Variants in NDST4 observed in about 807,000 individuals in gnomAD.
NDST4 encodes the protein N-heparan sulfate sulfotransferase 4.
In NDST4, 63 loss-of-function variants were observed where a neutral mutation model predicts 100.8. That is an observed-to-expected ratio of 0.62 (90% CI 0.51 to 0.77). The LOEUF (loss-of-function observed/expected upper bound fraction) is 0.77, where lower values mean the gene tolerates loss of function less well. NDST4 is among the 30% of genes least tolerant of loss of function. The pLI is 0.00. For missense variants in NDST4, 943 were observed against 1,018.4 expected (o/e 0.93, Z 1.01); for synonymous variants, 377 against 361.8 (o/e 1.04, Z -0.48).
chr4:114,988,672 T>TACA (rs1726969245), intron 2 of NDST4, among the ~76,000 whole-genome samples: 1 of 152,098 alleles, frequency 6.6e-6, no homozygotes, highest in African/African-American at 2.4e-5. Context: ...ACATACGTCT[T>TACA]TAAATGTGTA....
chr4:115,018,193 T>C (rs1186166646), intron 2 of NDST4, among the ~76,000 whole-genome samples: 1 of 151,868 alleles, frequency 6.6e-6, no homozygotes, highest in Admixed American at 6.6e-5. Context: ...AAAGTACAAA[T>C]GAAAGCCATT....
At chr4:114,943,246 A>G (rs1345304379) in intron 4 of NDST4, among the ~76,000 whole-genome samples, 1 of 151,792 alleles carries the variant, frequency 6.6e-6, no homozygotes, top group East Asian at 1.9e-4. Context: ...ATATACCTAA[A>G]TATACATTGA....
chr4:114,901,965 A>G (rs980391397), intron 6 of NDST4, among the ~76,000 whole-genome samples: 1 of 151,802 alleles, frequency 6.6e-6, no homozygotes, highest in East Asian at 1.9e-4. Context: ...AGAAATCCTA[A>G]TTTCTCCTTC....
chr4:114,936,053 A>C (rs915719964), intron 5 of NDST4, among the ~76,000 whole-genome samples: 1 of 152,138 alleles, frequency 6.6e-6, no homozygotes, highest in Non-Finnish European at 1.5e-5. Flanking sequence ...AAGGTAAATA[A>C]ATGAATATAA....
intron 2 of NDST4, among the ~76,000 whole-genome samples, chr4:115,057,901 A>C (rs1418490591): frequency 2.0e-5 from 3 of 152,160 alleles, no homozygotes; most frequent in African/African-American, 7.2e-5. Context: ...TCACTGTTGC[A>C]AGGCTCATAA....
intron 5 of NDST4, 113 bp downstream of exon 5, chr4:114,937,205 T>G: frequency 9.4e-7 from 1 of 1,065,048 alleles, no homozygotes; most frequent in Non-Finnish European, 1.4e-6. Context: ...TAGGTATTTC[T>G]GATAATCATG....
chr4:115,093,204 G>T (rs941784466), intron 1 of NDST4, among the ~76,000 whole-genome samples: 11 of 152,106 alleles, frequency 7.2e-5, no homozygotes, highest in Non-Finnish European at 1.5e-5. Flanking sequence ...ACATTAGAGC[G>T]GTGGCTCATG....
Position 114,848,268 on chromosome 4 carries a change from T to C in NDST4, c.1887A>G (p.Thr629=), listed in dbSNP as rs1723597211. Residue 629 remains threonine (T), a synonymous_variant, in exon 9 of 14, where the codon ACA becomes ACG. Transcript: ENST00000264363. The part of the protein sequence containing the change: ...SIISNLPSPK[T]FEEVQFFNGN... ...CATTAAAGAACTGAACTTCCTCAAA[T>C]GTCTTTGGACTAGGGAGATTGCTGA... 1 of 1,611,274 alleles carries C rather than the reference T, an allele frequency of 6.2e-7. No homozygotes were observed. The highest frequency in any genetic ancestry group is 8.5e-7 in the Non-Finnish European group (1 of 1,178,598).
At chr4:115,026,182 T>G (rs1727980367) in intron 2 of NDST4, among the ~76,000 whole-genome samples, 1 of 152,094 alleles carries the variant, frequency 6.6e-6, no homozygotes, top group Non-Finnish European at 1.5e-5. Context: ...ATAAGAAACA[T>G]GTTGTATAAT....
At chr4:114,893,653 T>C (rs1481365401) in intron 6 of NDST4, among the ~76,000 whole-genome samples, 1 of 152,148 alleles carries the variant, frequency 6.6e-6, no homozygotes, top group African/African-American at 2.4e-5. Flanking sequence ...CTCTGTCATA[T>C]GGGTAGATTG....
intron 2 of NDST4, among the ~76,000 whole-genome samples, chr4:115,026,512 T>C (rs1026627641): frequency 6.6e-6 from 1 of 152,078 alleles, no homozygotes; most frequent in Non-Finnish European, 1.5e-5. Context: ...TATTTATGTA[T>C]GTGTATAATT....
intron 4 of NDST4, among the ~76,000 whole-genome samples, chr4:114,943,225 G>T (rs1482286005): frequency 2.6e-5 from 4 of 151,028 alleles, no homozygotes; most frequent in African/African-American, 7.3e-5. Flanking sequence ...AGGACAAATA[G>T]GTATTCATTC....
At chr4:115,029,405 A>G in intron 2 of NDST4, among the ~76,000 whole-genome samples, 1 of 152,082 alleles carries the variant, frequency 6.6e-6, no homozygotes, top group African/African-American at 2.4e-5. Flanking sequence ...TTCCTCTCTC[A>G]TTTTAGGGAA....
chr4:115,102,467 AT>A (rs752518073), intron 1 of NDST4, among the ~76,000 whole-genome samples: 90 of 152,212 alleles, frequency 5.9e-4, no homozygotes, highest in South Asian at 2.7e-3. Context: ...ATTTTCCATT[AT>A]TTTTTAATGT....
At chr4:114,881,899 C>T (rs951283610) in intron 6 of NDST4, among the ~76,000 whole-genome samples, 4 of 151,942 alleles carry the variant, frequency 2.6e-5, no homozygotes, top group African/African-American at 9.7e-5. Flanking sequence ...TTGAAGTGTA[C>T]ATTTTAAAGT....
intron 12 of NDST4, among the ~76,000 whole-genome samples, chr4:114,832,972 CAGA>C (rs1723231592): frequency 8.3e-6 from 1 of 120,922 alleles, no homozygotes; most frequent in Non-Finnish European, 1.8e-5. Context: ...GAGTCAAAGC[CAGA>C]TATTCAAGTC....
Position 114,964,426 on chromosome 4 carries a change from T to A in NDST4, c.1221+6004A>T, listed in dbSNP as rs185669252. The stretch of plus-strand genomic sequence containing the variant: ...TTAAATAATTAAAGTGTGTTTTAGG[T>A]CTTTATAGTCTAAGTAACTTGTTAT... On this transcript the variant is annotated intron_variant, in intron 4 of 13. Transcript: ENST00000264363. Among the ~76,000 whole-genome samples, 14 of 152,304 alleles carry A rather than the reference T, an allele frequency of 9.2e-5. No individual in the cohort carries two copies. The East Asian group carries it at 1.7e-3, about 19-fold the overall frequency.
At chr4:114,902,241 A>T (rs542089179) in intron 6 of NDST4, among the ~76,000 whole-genome samples, 8 of 151,986 alleles carry the variant, frequency 5.3e-5, no homozygotes, top group East Asian at 1.9e-4. Flanking sequence ...GTTTAAAAAA[A>T]TTTTTTCGCA....
chr4:114,856,404 C>G (rs1489471544), intron 7 of NDST4, among the ~76,000 whole-genome samples: 7 of 152,006 alleles, frequency 4.6e-5, no homozygotes, highest in Admixed American at 4.6e-4. Context: ...ATGAAAATGT[C>G]TAAATATTAG....
Sources: allele counts gnomAD v4.1 joint callset (sites outside exome capture counted in the v4.1 genomes callset), GRCh38; gene constraint gnomAD v4.1.1; transcripts MANE v1.5; gene names NCBI Gene and HGNC (gene_info 2026-07-23, HGNC 2026-07-21).